The following TRPM3 variants were observed in gnomAD, a reference collection of about 807,000 sequenced individuals.
TRPM3 encodes the protein long transient receptor potential channel 3.
Under a neutral mutation model 181.2 loss-of-function variants are expected in TRPM3, and 77 were observed. The observed-to-expected ratio is 0.42, with a 90% confidence interval of 0.35 to 0.51. The LOEUF (loss-of-function observed/expected upper bound fraction) is 0.51. Among genes scored for constraint, TRPM3 ranks in the 20% least tolerant of loss-of-function variants. The probability of loss-of-function intolerance (pLI) is 0.01; values close to 1 mark genes in which losing one functional copy is unlikely to be tolerated. For synonymous variants in TRPM3, 745 were observed against 796.4 expected (o/e 0.94, Z 1.09); for missense variants, 1,759 against 2,196.7 (o/e 0.80, Z 3.98).
rs189145802 is a variant in TRPM3, at chr9:70,773,863, C to G, written c.1148+10242G>C. On this transcript the variant is annotated intron_variant, in intron 7 of 25. Transcript: ENST00000677713. ...CAGACAGCTGGATGTCTTATTTTTC[C>G]TGTTGGTTTCATGATTCGATGCACT... Among the ~76,000 whole-genome samples the G allele has an allele frequency of 5.9e-5, 9 of 152,110 alleles. No individual in the cohort carries two copies. The South Asian group carries it at 6.2e-4, about 11-fold the overall frequency.
chr9:70,616,574 A>AC (rs5898154), intron 17 of TRPM3, among the ~76,000 whole-genome samples: 41 of 21,414 alleles, frequency 1.9e-3, no homozygotes, highest in African/African-American at 7.1e-3. Context: ...TTATCTCTGC[A>AC]AAAAAAAAAA....
At chr9:70,661,702 GA>G (rs2061161506) in intron 9 of TRPM3, among the ~76,000 whole-genome samples, 1 of 151,830 alleles carries the variant, frequency 6.6e-6, no homozygotes, top group Non-Finnish European at 1.5e-5. Context: ...AAAACCTTAG[GA>G]ATACACTTAA....
chr9:70,944,088 A>G (rs995003540), intron 1 of TRPM3, among the ~76,000 whole-genome samples: 4 of 152,170 alleles, frequency 2.6e-5, no homozygotes, highest in African/African-American at 9.7e-5. Context: ...TGGCTAAAAT[A>G]ATTTCTTATC....
chr9:70,993,915 C>G (rs1276941698), intron 1 of TRPM3, among the ~76,000 whole-genome samples: 2 of 151,698 alleles, frequency 1.3e-5, no homozygotes, highest in African/African-American at 2.4e-5. Context: ...GGGGGGAAAA[C>G]AGGCAAATTG....
intron 22 of TRPM3, among the ~76,000 whole-genome samples, chr9:70,573,450 G>A (rs11142489): frequency 0.1 from 15,808 of 152,204 alleles, 886 homozygotes; most frequent in Middle Eastern, 0.16. Flanking sequence ...CTATGTGAAT[G>A]TCTGCTGGGA....
intron 1 of TRPM3, among the ~76,000 whole-genome samples, chr9:71,239,021 T>C (rs982599331): frequency 1.3e-5 from 2 of 152,106 alleles, no homozygotes; most frequent in African/African-American, 4.8e-5. Context: ...TCAGATCAAA[T>C]GCATCTCTTG....
At chr9:71,166,745 T>C (rs1227407474) in intron 1 of TRPM3, among the ~76,000 whole-genome samples, 3 of 152,224 alleles carry the variant, frequency 2.0e-5, no homozygotes, top group South Asian at 2.1e-4. Flanking sequence ...ACTGTTAATG[T>C]AGAAGCTCAA....
chr9:70,667,467 C>A (rs2062004793), intron 9 of TRPM3, among the ~76,000 whole-genome samples: 1 of 152,144 alleles, frequency 6.6e-6, no homozygotes, highest in Non-Finnish European at 1.5e-5. Flanking sequence ...TCATCTCCTT[C>A]CCCTTGCATG....
chr9:71,188,038 T>G (rs1184426874), intron 1 of TRPM3, among the ~76,000 whole-genome samples: 1 of 151,952 alleles, frequency 6.6e-6, no homozygotes, highest in Non-Finnish European at 1.5e-5. Flanking sequence ...AACATTTAGG[T>G]TCTTTCCATT....
intron 1 of TRPM3, among the ~76,000 whole-genome samples, chr9:70,983,662 G>C (rs1296198806): frequency 6.6e-6 from 1 of 152,166 alleles, no homozygotes; most frequent in Non-Finnish European, 1.5e-5. Flanking sequence ...GAGGTAGCCT[G>C]ATTACAGGCT....
chr9:70,800,439 G>T (rs933911992), intron 6 of TRPM3, among the ~76,000 whole-genome samples: 3 of 152,138 alleles, frequency 2.0e-5, no homozygotes, highest in Non-Finnish European at 2.9e-5. Context: ...TACTCAATCT[G>T]CTCAACAACC....
At chr9:71,165,095 G>A (rs544049696) in intron 1 of TRPM3, among the ~76,000 whole-genome samples, 1 of 152,268 alleles carries the variant, frequency 6.6e-6, no homozygotes, top group Admixed American at 6.5e-5. Context: ...AGGACAATCA[G>A]TATAGACCAG....
intron 1 of TRPM3, among the ~76,000 whole-genome samples, chr9:71,349,981 ATATATATATATATATATATATG>A (rs1198728991): frequency 6.3e-5 from 2 of 31,852 alleles, no homozygotes; most frequent in African/African-American, 1.5e-4. Context: ...ATATATATAT[ATATATATATATATATATATATG>A]GGCCTAAAAA....
At chr9:71,169,204 C>T (rs1275172021) in intron 1 of TRPM3, among the ~76,000 whole-genome samples, 1 of 152,162 alleles carries the variant, frequency 6.6e-6, no homozygotes, top group Non-Finnish European at 1.5e-5. Context: ...ATCCAATCTT[C>T]ATATGTTGAC....
intron 1 of TRPM3, among the ~76,000 whole-genome samples, chr9:71,442,738 A>T (rs11142834): frequency 0.043 from 6,523 of 152,286 alleles, 245 homozygotes; most frequent in East Asian, 0.18. Flanking sequence ...TATTCTGATT[A>T]AAAAATTTGA....
At chr9:70,889,360 C>T (rs191185471) in intron 1 of TRPM3, among the ~76,000 whole-genome samples, 2 of 152,248 alleles carry the variant, frequency 1.3e-5, no homozygotes, top group Admixed American at 6.5e-5. Context: ...GTATGAGGCA[C>T]CAGGATGAAA....
At chr9:70,596,836 T>C (rs2059120311) in intron 21 of TRPM3, among the ~76,000 whole-genome samples, 1 of 152,052 alleles carries the variant, frequency 6.6e-6, no homozygotes, top group South Asian at 2.1e-4. Context: ...AAAAAATACC[T>C]CACCGCAGTC....
intron 22 of TRPM3, among the ~76,000 whole-genome samples, chr9:70,562,625 GA>G (rs1472665109): frequency 5.0e-4 from 71 of 141,764 alleles, no homozygotes; most frequent in African/African-American, 1.6e-3. Context: ...GGGCAGGGGG[GA>G]GGTATGGGGG....
Position 70,625,556 on chromosome 9 carries a change from A to C in TRPM3, c.1633-39T>G. ...CATAAGTTAAATAAGAAGATGCAGT[A>C]ATCGTCGGCAATAATAGAAAATCAA... On this transcript the variant is annotated intron_variant, in intron 12 of 25. Coordinates refer to ENST00000677713, the MANE Select transcript of TRPM3 (RefSeq NM_001366145.2). The surrounding 1 kb of genome is among the most constrained non-coding windows in gnomAD (Gnocchi z 4.8). 1 of 1,582,072 alleles carries C rather than the reference A, an allele frequency of 6.3e-7. No individual in the cohort carries two copies. Among genetic ancestry groups the C allele is most frequent in the Non-Finnish European group, 8.6e-7 (1 of 1,161,214 alleles).
Sources: allele counts gnomAD v4.1 joint callset (sites outside exome capture counted in the v4.1 genomes callset), GRCh38; gene constraint gnomAD v4.1.1; non-coding constraint Gnocchi (gnomAD v3.1); transcripts MANE v1.5; gene names NCBI Gene and HGNC (gene_info 2026-07-23, HGNC 2026-07-21).